Variants in LPIN2 observed in about 807,000 individuals in gnomAD.
The protein encoded by LPIN2 is lipin 2, also known as phosphatidate phosphatase LPIN2.
In LPIN2, 55 loss-of-function variants were observed where a neutral mutation model predicts 111.4. The observed-to-expected ratio is 0.49, with a 90% confidence interval of 0.40 to 0.62. The LOEUF (loss-of-function observed/expected upper bound fraction) is 0.62. Among genes scored for constraint, LPIN2 ranks in the 20% least tolerant of loss-of-function variants. The probability of loss-of-function intolerance (pLI) is 0.00; values close to 1 mark genes in which losing one functional copy is unlikely to be tolerated. For missense variants in LPIN2, 992 were observed against 1,112.1 expected (o/e 0.89, Z 1.54); for synonymous variants, 425 against 414.0 (o/e 1.03, Z -0.32).
At chr18:2,921,200 AG>A in intron 18 of LPIN2, 3 of 546,220 alleles carry the variant, frequency 5.5e-6, no homozygotes, top group Non-Finnish European at 9.8e-6. Context: ...GTGCTAGCGA[AG>A]GGCCAGCACT....
Position 2,977,963 on chromosome 18 carries a change from A to G in LPIN2, c.-9-17114T>C, listed in dbSNP as rs531692139. On this transcript the variant is annotated intron_variant, in intron 1 of 19. Transcript: ENST00000677752. ...ATCCCAGCACTTTGGGAGGCCAAGG[A>G]AGGTGGATCACCTGAGGTCAAGAGT... Among the ~76,000 whole-genome samples the G allele has an allele frequency of 5.9e-5, 9 of 152,156 alleles. No homozygotes were observed. The East Asian group carries it at 1.7e-3, about 30-fold the overall frequency.
chr18:2,982,389 C>CAGCA (rs984489672), intron 1 of LPIN2, among the ~76,000 whole-genome samples: 2 of 151,890 alleles, frequency 1.3e-5, no homozygotes, highest in African/African-American at 2.4e-5. Context: ...CAGTTTAAAA[C>CAGCA]AGCAACTTCA....
chr18:2,962,723 TAC>T (rs1310194148), intron 1 of LPIN2, among the ~76,000 whole-genome samples: 1 of 152,190 alleles, frequency 6.6e-6, no homozygotes, highest in Non-Finnish European at 1.5e-5. Flanking sequence ...GCTTTTTACC[TAC>T]ATGGCACACA....
At chr18:2,946,097 C>T in intron 4 of LPIN2, 1 of 1,553,718 alleles carries the variant, frequency 6.4e-7, no homozygotes, top group Non-Finnish European at 8.9e-7. Flanking sequence ...TTAATTTCAT[C>T]ATTGTCTTCT....
In LPIN2 at chr18:2,919,724, G is replaced by A. The variant is rs771402631; in HGVS notation, c.*569C>T. 5.7e-6 allele frequency: 1 copy of A among 175,764 alleles called. No homozygotes were observed. The highest frequency in any genetic ancestry group is 1.3e-4 in the South Asian group (1 of 7,766). 10.9% of individuals were successfully genotyped at this position (175,764 alleles called of 1,614,324 possible). A position where few individuals can be genotyped will look rare whatever the true frequency, so the allele number is the denominator to read the frequency against. ...TGGGCTCAGTGGCTCTGGTGCATGG[G>A]CCCTGCAGGGGCGGGGGTCCTGCCC... On this transcript the variant is annotated 3_prime_UTR_variant, in exon 20 of 20. Coordinates refer to ENST00000677752, the MANE Select transcript of LPIN2 (RefSeq NM_001375808.2).
rs777058515 is a variant in LPIN2, at chr18:2,921,486, C to T, written c.2442+47G>A. Reference sequence around the variant, plus strand: ...TGGCTACACCCCACGAAGTACATCCCTCTGAATTTCACCCACATCAGAACC... The same window carrying T: ...TGGCTACACCCCACGAAGTACATCCTTCTGAATTTCACCCACATCAGAACC... On this transcript the variant is annotated intron_variant, in intron 18 of 19. Transcript: ENST00000677752. 4.2e-6 allele frequency: 6 copies of T among 1,415,174 alleles called. No individual in the cohort carries two copies. In the African/African-American group the frequency reaches 8.5e-5, roughly 20 times the overall value. The allele number at this position is 1,415,174 out of a possible 1,614,324, so 87.7% of individuals were successfully genotyped here. A position where few individuals can be genotyped will look rare whatever the true frequency, so the allele number is the denominator to read the frequency against.
chr18:2,946,369 A>G, intron 4 of LPIN2: 1 of 1,498,586 alleles, frequency 6.7e-7, no homozygotes, highest in Non-Finnish European at 9.3e-7. Context: ...TACAGCCTAC[A>G]ATGCTTAAGA....
At position 2,986,550 on chromosome 18, in the gene LPIN2, A is replaced by G. The variant is rs954780145; in HGVS notation, c.-9-25701T>C. ...TGATAAGTCTATTTTTTTAATGTAAAAAAAAAAAAAAAAGAAAGACTAACT... is the reference window on the plus strand; with the variant it reads ...TGATAAGTCTATTTTTTTAATGTAAGAAAAAAAAAAAAAGAAAGACTAACT... On this transcript the variant is annotated intron_variant, in intron 1 of 19. Transcript: ENST00000677752. Among the ~76,000 whole-genome samples, 191 of 151,804 alleles carry G rather than the reference A, an allele frequency of 1.3e-3. 1 individual carries two copies. Among genetic ancestry groups the G allele is most frequent in the Non-Finnish European group, 2.1e-3 (144 of 67,898 alleles).
At chr18:2,920,918 G>T in intron 18 of LPIN2, 37 bp from the exon 19 acceptor site, 1 of 1,305,986 alleles carries the variant, frequency 7.7e-7, no homozygotes, top group Non-Finnish European at 1.1e-6. Flanking sequence ...ATTCCAGGGA[G>T]GAGAATTCAG....
Position 2,922,163 on chromosome 18 carries a change from G to A in LPIN2, c.2211C>T (p.Ala737=), listed in dbSNP as rs886053765. The part of the protein sequence containing the change: ...GYKFLYCSAR[A]IGMADMTRGY... ...CACGGGTCATGTCGGCCATGCCGAT[G>A]GCACGAGCCGAGCAGTACAGAAACT... is the stretch of plus-strand genomic sequence containing the variant. The change falls in exon 17 of 20, where the codon GCC becomes GCT. Residue 737 remains alanine (A), a synonymous_variant. Transcript: ENST00000677752. 4.3e-6 allele frequency: 7 copies of A among 1,613,970 alleles called. No individual in the cohort carries two copies. The highest frequency in any genetic ancestry group is 5.9e-6 in the Non-Finnish European group (7 of 1,180,004).
intron 18 of LPIN2, 78 bp downstream of exon 18, chr18:2,921,455 G>A (rs1319260640): frequency 9.5e-7 from 1 of 1,053,228 alleles, no homozygotes; most frequent in Non-Finnish European, 1.5e-6. Flanking sequence ...TTTGAGAATT[G>A]GGACGTGGCT....
rs1176339476 is a variant in LPIN2 at position 2,919,431 on chromosome 18, A to G, written c.*862T>C. On this transcript the variant is annotated 3_prime_UTR_variant, in exon 20 of 20. Transcript: ENST00000677752. ...CAAAGGCCCACACCAGGCAGCAAGC[A>G]GAGGGATTCAGCGCTCTTCCCAGGA... is the stretch of plus-strand genomic sequence containing the variant. 6.6e-6 allele frequency: 1 copy of G among 152,258 alleles called. No homozygotes were observed. Among genetic ancestry groups the G allele is most frequent in the African/African-American group, 2.4e-5 (1 of 41,454 alleles). The allele number at this position is 152,258 out of a possible 1,614,324, so 9.4% of individuals were successfully genotyped here. A position where few individuals can be genotyped will look rare whatever the true frequency, so the allele number is the denominator to read the frequency against.
chr18:2,936,824 T>C (rs1157930044), intron 7 of LPIN2, among the ~76,000 whole-genome samples: 2 of 152,136 alleles, frequency 1.3e-5, no homozygotes, highest in Non-Finnish European at 2.9e-5. Flanking sequence ...AAGTGATCTG[T>C]CCACCTCAGC....
intron 1 of LPIN2, among the ~76,000 whole-genome samples, chr18:2,992,596 A>G (rs945872078): frequency 6.6e-6 from 1 of 152,184 alleles, no homozygotes; most frequent in African/African-American, 2.4e-5. Context: ...CACACCTGTA[A>G]TCCCAACACT....
Position 2,925,425 on chromosome 18 carries a change from C to A in LPIN2, c.1794-57G>T. 6.2e-7 allele frequency: 1 copy of A among 1,608,458 alleles called. No homozygotes were observed. Among genetic ancestry groups the A allele is most frequent in the Non-Finnish European group, 8.5e-7 (1 of 1,175,668 alleles). The stretch of plus-strand genomic sequence containing the variant: ...CAGCAGGGCATTTTATTGATGAGAG[C>A]TTTTCATTTAGGATCAAGAAAATAA... On this transcript the variant is annotated intron_variant, in intron 13 of 19. Transcript: ENST00000677752. The surrounding 1 kb of genome is among the most constrained non-coding windows in gnomAD (Gnocchi z 4.1).
At chr18:2,965,805 T>G (rs1045070559) in intron 1 of LPIN2, among the ~76,000 whole-genome samples, 3 of 151,206 alleles carry the variant, frequency 2.0e-5, no homozygotes, top group African/African-American at 7.3e-5. Context: ...TGCTTAAAAT[T>G]ATTTCAATTA....
chr18:2,967,873 T>C (rs1339802082), intron 1 of LPIN2, among the ~76,000 whole-genome samples: 2 of 152,242 alleles, frequency 1.3e-5, no homozygotes, highest in African/African-American at 4.8e-5. Flanking sequence ...CTTTAAATTC[T>C]CACTTTATAA....
At position 2,917,103 on chromosome 18, in the gene LPIN2, G is replaced by GAGTACTGT. The variant is rs1339323554; in HGVS notation, c.*3182_*3189dup. 6.6e-6 allele frequency: 1 copy of GAGTACTGT among 152,180 alleles called. No homozygotes were observed. The highest frequency in any genetic ancestry group is 1.5e-5 in the Non-Finnish European group (1 of 68,034). The allele number at this position is 152,180 out of a possible 1,614,324, so 9.4% of individuals were successfully genotyped here. A position where few individuals can be genotyped will look rare whatever the true frequency, so the allele number is the denominator to read the frequency against. On this transcript the variant is annotated 3_prime_UTR_variant, in exon 20 of 20. Coordinates refer to ENST00000677752, the MANE Select transcript of LPIN2 (RefSeq NM_001375808.2). ...GCAACAATTGCTTTACTGTAACTAA[G>GAGTACTGT]AGTACTGTACTGATGATGTTTACAA...
intron 1 of LPIN2, chr18:2,985,303 A>G (rs1206772221): frequency 6.6e-6 from 1 of 152,210 alleles, no homozygotes; most frequent in South Asian, 2.1e-4. Context: ...GTTAAAAATC[A>G]CAACCAACAA....
Sources: allele counts gnomAD v4.1 joint callset (sites outside exome capture counted in the v4.1 genomes callset), GRCh38; gene constraint gnomAD v4.1.1; non-coding constraint Gnocchi (gnomAD v3.1); transcripts MANE v1.5; gene names NCBI Gene and HGNC (gene_info 2026-07-23, HGNC 2026-07-21).